TXNDC11: variants seen among roughly 807,000 people sequenced by gnomAD.
The protein encoded by TXNDC11 is thioredoxin domain containing 11, also known as thioredoxin domain-containing protein 11.
In TXNDC11, 68 loss-of-function variants were observed where a neutral mutation model predicts 78.0. That is an observed-to-expected ratio of 0.87 (90% CI 0.72 to 1.07). TXNDC11 has a LOEUF of 1.07. TXNDC11 is among the 50% of genes least tolerant of loss of function. The probability of loss-of-function intolerance (pLI) is 0.00; values close to 1 mark genes in which losing one functional copy is unlikely to be tolerated. For synonymous variants in TXNDC11, 571 were observed against 495.2 expected (o/e 1.15, Z -2.03); for missense variants, 1,389 against 1,221.8 (o/e 1.14, Z -2.04).
In TXNDC11 at chr16:11,717,050, A is replaced by C. The variant is rs187500784; in HGVS notation, c.793+4527T>G. The stretch of plus-strand genomic sequence containing the variant: ...TAAAGCCAGGGAGCATAAAGTGCTA[A>C]ATAATTTTTAAATTTAAAAAAGAAG... On this transcript the variant is annotated intron_variant, in intron 5 of 11. Coordinates refer to ENST00000283033, the MANE Select transcript of TXNDC11 (RefSeq NM_015914.7). 8.5e-5 allele frequency among the ~76,000 whole-genome samples: 13 copies of C among 152,142 alleles called. No homozygotes were observed. In the East Asian group the frequency reaches 2.5e-3, roughly 29 times the overall value.
chr16:11,727,785 A>C (rs2141105095), intron 4 of TXNDC11, among the ~76,000 whole-genome samples: 1 of 151,722 alleles, frequency 6.6e-6, no homozygotes, highest in South Asian at 2.1e-4. Flanking sequence ...AATGCCTTTG[A>C]GAGCCCCATG....
At chr16:11,720,333 A>T (rs914533227) in intron 5 of TXNDC11, among the ~76,000 whole-genome samples, 1 of 152,172 alleles carries the variant, frequency 6.6e-6, no homozygotes, top group African/African-American at 2.4e-5. Context: ...CTAAATTACA[A>T]CCTATCTGAC....
At chr16:11,686,242 G>C (rs1023626673) in intron 10 of TXNDC11, among the ~76,000 whole-genome samples, 2 of 152,212 alleles carry the variant, frequency 1.3e-5, no homozygotes, top group Non-Finnish European at 2.9e-5. Context: ...ACAGGCATGA[G>C]CCACTGCACC....
chr16:11,720,132 TGA>T (rs1185031109), intron 5 of TXNDC11, among the ~76,000 whole-genome samples: 1 of 152,282 alleles, frequency 6.6e-6, no homozygotes, highest in East Asian at 1.9e-4. Context: ...GAGTCAGGAC[TGA>T]GAGAGAGCAT....
intron 6 of TXNDC11, among the ~76,000 whole-genome samples, chr16:11,699,496 A>G (rs1219553431): frequency 2.0e-5 from 3 of 152,266 alleles, no homozygotes; most frequent in South Asian, 4.1e-4. Flanking sequence ...GGACGATGGG[A>G]GTTTGAAAAA....
At chr16:11,741,479 C>A (rs938029155) in intron 1 of TXNDC11, among the ~76,000 whole-genome samples, 1 of 152,162 alleles carries the variant, frequency 6.6e-6, no homozygotes, top group African/African-American at 2.4e-5. Flanking sequence ...GCTTGCCCAG[C>A]CTCAGAAACT....
intron 5 of TXNDC11, among the ~76,000 whole-genome samples, chr16:11,719,429 T>C (rs905930267): frequency 2.6e-5 from 4 of 152,246 alleles, no homozygotes; most frequent in East Asian, 1.9e-4. Context: ...GACATACTTA[T>C]ATGACAGCTT....
chr16:11,700,372 A>T (rs1597435151), intron 6 of TXNDC11, 80 bp downstream of exon 6: 1 of 646,232 alleles, frequency 1.5e-6, no homozygotes, highest in East Asian at 2.8e-5. Flanking sequence ...ATAGATTTTA[A>T]CCAATTCTCA....
intron 10 of TXNDC11, among the ~76,000 whole-genome samples, chr16:11,686,056 T>G (rs1360840391): frequency 1.3e-5 from 2 of 152,152 alleles, no homozygotes; most frequent in African/African-American, 4.8e-5. Context: ...GCTGCTGGAT[T>G]CAAGTGATTC....
At chr16:11,721,411 C>T (rs1440591358) in intron 5 of TXNDC11, 166 bp downstream of exon 5, 12 of 405,534 alleles carry the variant, frequency 3.0e-5, no homozygotes, top group Non-Finnish European at 5.5e-5. Flanking sequence ...TGCACTCCAG[C>T]CTGGGCGGCA....
chr16:11,682,413 T>C (rs1361352773), intron 11 of TXNDC11, among the ~76,000 whole-genome samples: 1 of 152,234 alleles, frequency 6.6e-6, no homozygotes, highest in African/African-American at 2.4e-5. Flanking sequence ...GTGCCCAGCA[T>C]GGGGCCGGAG....
At position 11,679,558 on chromosome 16, in the gene TXNDC11, C is replaced by T. The variant is rs751462302; in HGVS notation, c.2514G>A (p.Leu838=). 1.2e-6 allele frequency: 2 copies of T among 1,613,856 alleles called. No homozygotes were observed. Among genetic ancestry groups the T allele is most frequent in the Non-Finnish European group, 1.7e-6 (2 of 1,180,026 alleles). Residue 838 remains leucine, a synonymous_variant, in exon 12 of 12, where the codon CTG becomes CTA. Transcript: ENST00000283033. This position sits in a 1 kb window ranked among gnomAD's most constrained non-coding sequence, Gnocchi z 4.6. The stretch of plus-strand genomic sequence containing the variant: ...CTTCCAGGGCCCGCTGCTGCTGCCG[C>T]AGCCGGTGCTCATCTCTGCGGGCAC... ...LSSARRDEHR[L]RQQQRALEEQ... is the part of the protein sequence containing the mutation.
intron 1 of TXNDC11, among the ~76,000 whole-genome samples, chr16:11,736,468 G>C (rs1403276433): frequency 6.6e-6 from 1 of 152,168 alleles, no homozygotes; most frequent in Admixed American, 6.5e-5. Context: ...GGGCAGTGGA[G>C]AGCAGAGAAG....
In TXNDC11 at chr16:11,679,456, C is replaced by T; in HGVS notation, c.2616G>A (p.Glu872=). ...LYEQKTRELQ[E]LARKLQELAD... Reference sequence around the variant, plus strand: ...CCAGCTCCTGCAGCTTGCGGGCCAGCTCCTGCAGCTCACGTGTCTTCTGCT... The same window carrying T: ...CCAGCTCCTGCAGCTTGCGGGCCAGTTCCTGCAGCTCACGTGTCTTCTGCT... The change falls in exon 12 of 12, where the codon GAG becomes GAA. Residue 872 remains glutamate, a synonymous_variant. Coordinates refer to ENST00000283033, the MANE Select transcript of TXNDC11 (RefSeq NM_015914.7). The surrounding 1 kb of genome is among the most constrained non-coding windows in gnomAD (Gnocchi z 4.6). The T allele has an allele frequency of 6.2e-7, 1 of 1,613,790 alleles. No homozygotes were observed. Among genetic ancestry groups the T allele is most frequent in the Non-Finnish European group, 8.5e-7 (1 of 1,180,030 alleles).
intron 5 of TXNDC11, among the ~76,000 whole-genome samples, chr16:11,716,338 T>C (rs2051526388): frequency 6.6e-6 from 1 of 152,240 alleles, no homozygotes; most frequent in Non-Finnish European, 1.5e-5. Context: ...AATAATGAAA[T>C]AATCATCAGA....
chr16:11,682,498 C>T (rs2050448572), intron 11 of TXNDC11, among the ~76,000 whole-genome samples: 1 of 152,230 alleles, frequency 6.6e-6, no homozygotes, highest in South Asian at 2.1e-4. Flanking sequence ...CGCAGGCCTC[C>T]AGATGACGCC....
At chr16:11,702,880 A>C (rs946288185) in intron 5 of TXNDC11, among the ~76,000 whole-genome samples, 12 of 152,286 alleles carry the variant, frequency 7.9e-5, no homozygotes, top group Middle Eastern at 3.4e-3. Flanking sequence ...CGGAGTGAGT[A>C]TGTCCCTACT....
In TXNDC11 at chr16:11,679,598, T is replaced by TCCA. The variant is rs1227891374; in HGVS notation, c.2471_2473dup (p.Val824dup). The TCCA allele has an allele frequency of 6.2e-7, 1 of 1,614,160 alleles. No homozygotes were observed. Among genetic ancestry groups the TCCA allele is most frequent in the Non-Finnish European group, 8.5e-7 (1 of 1,180,044 alleles). On this transcript the variant is annotated inframe_insertion, in exon 12 of 12. Transcript: ENST00000283033. The surrounding 1 kb of genome is among the most constrained non-coding windows in gnomAD (Gnocchi z 4.6). Reference sequence around the variant, plus strand: ...TCTGCGGGCACTGGAGAGCTGGGACTCCACCTGCACTTGTGCTCGCTGGAG... The same window carrying TCCA: ...TCTGCGGGCACTGGAGAGCTGGGACTCCACCACCTGCACTTGTGCTCGCTGGAG...
chr16:11,732,057 C>T (rs1182114954), intron 3 of TXNDC11, among the ~76,000 whole-genome samples: 6 of 152,168 alleles, frequency 3.9e-5, no homozygotes, highest in Admixed American at 3.9e-4. Context: ...GTTCTAGTGA[C>T]TTGTAAAAGC....
Sources: allele counts gnomAD v4.1 joint callset (sites outside exome capture counted in the v4.1 genomes callset), GRCh38; gene constraint gnomAD v4.1.1; non-coding constraint Gnocchi (gnomAD v3.1); transcripts MANE v1.5; gene names NCBI Gene and HGNC (gene_info 2026-07-23, HGNC 2026-07-21).